IGF1R: variants seen among roughly 807,000 people sequenced by gnomAD.
The protein encoded by IGF1R is insulin like growth factor 1 receptor, also known as insulin-like growth factor 1 receptor.
A neutral mutation model predicts 144.6 loss-of-function variants in IGF1R; 44 were observed. That is an observed-to-expected ratio of 0.30 (90% confidence interval 0.24 to 0.39). The LOEUF (loss-of-function observed/expected upper bound fraction) is 0.39, where lower values mean the gene tolerates loss of function less well. Ranked by LOEUF, IGF1R falls within the 10% of genes least tolerant of loss-of-function variation. The probability of loss-of-function intolerance (pLI) is 1.00; values close to 1 mark genes in which losing one functional copy is unlikely to be tolerated. For synonymous variants in IGF1R, 795 were observed against 722.8 expected, an observed-to-expected ratio of 1.10 and a Z score of -1.60; for missense variants, 1,355 against 1,833.7, an observed-to-expected ratio of 0.74 and a Z score of 4.77.
At position 98,962,447 on chromosome 15, in the gene IGF1R, G is replaced by A. The variant is rs1248658673; in HGVS notation, c.*5005G>A. The A allele has an allele frequency of 4.3e-6, 1 of 233,810 alleles. No individual in the cohort carries two copies. Among genetic ancestry groups the A allele is most frequent in the Non-Finnish European group, 8.5e-6 (1 of 118,092 alleles). 14.5% of individuals were successfully genotyped at this position (233,810 alleles called of 1,614,324 possible). ...GAAAGACACTTTCTTTCTTCACTCT[G>A]AAGTAGCTGGTGGTACAAATGAGAA... On this transcript the variant is annotated 3_prime_UTR_variant, in exon 21 of 21. Coordinates refer to ENST00000650285, the MANE Select transcript of IGF1R (RefSeq NM_000875.5).
intron 20 of IGF1R, among the ~76,000 whole-genome samples, chr15:98,949,879 G>C (rs2151728345): frequency 6.6e-6 from 1 of 152,276 alleles, no homozygotes; most frequent in East Asian, 1.9e-4. Flanking sequence ...CTGGAGCAGG[G>C]AGGCCTTGTT....
rs75137268 is a variant in IGF1R, at chr15:98,862,797, C to T, written c.641-28528C>T. The stretch of plus-strand genomic sequence containing the variant: ...CTTTTGCTTTATCAACTTTTAAAAA[C>T]GTTTATTAACTTTTTAATTTGAAAT... On this transcript the variant is annotated intron_variant, in intron 2 of 20. Coordinates refer to ENST00000650285, the MANE Select transcript of IGF1R (RefSeq NM_000875.5). 9.9e-4 allele frequency among the ~76,000 whole-genome samples: 151 copies of T among 152,272 alleles called. No homozygotes were observed. In the East Asian group the frequency reaches 0.015, roughly 15 times the overall value.
intron 2 of IGF1R, among the ~76,000 whole-genome samples, chr15:98,787,069 C>T (rs775142849): frequency 6.6e-6 from 1 of 152,150 alleles, no homozygotes; most frequent in African/African-American, 2.4e-5. Context: ...AGCGCCCCTT[C>T]GTAATTGGTC....
rs922683720 is a variant in IGF1R, at chr15:98,896,350, C to T, written c.954-407C>T. On this transcript the variant is annotated intron_variant, in intron 3 of 20. Transcript: ENST00000650285. ...CCTGCCTTCTCTCCTAGCGACTCCT[C>T]CAGGTACACAGGCCAGGGTCACAGT... is the stretch of plus-strand genomic sequence containing the variant. Among the ~76,000 whole-genome samples, 3 of 152,276 alleles carry T rather than the reference C, an allele frequency of 2.0e-5. No homozygotes were observed. In the South Asian group the frequency reaches 6.2e-4, roughly 32 times the overall value.
chr15:98,660,517 C>T (rs559890116), intron 1 of IGF1R: 1 of 152,334 alleles, frequency 6.6e-6, no homozygotes, highest in African/African-American at 2.4e-5. Flanking sequence ...AAACGGAAGA[C>T]TTCTTAAAGG....
At chr15:98,692,286 C>T (rs2053495473) in intron 1 of IGF1R, among the ~76,000 whole-genome samples, 1 of 152,092 alleles carries the variant, frequency 6.6e-6, no homozygotes. Context: ...TACAGTGAGC[C>T]GAGATCGTGC....
At chr15:98,651,311 T>C (rs1596140630) in intron 1 of IGF1R, among the ~76,000 whole-genome samples, 1 of 152,186 alleles carries the variant, frequency 6.6e-6, no homozygotes, top group Non-Finnish European at 1.5e-5. Flanking sequence ...TACTGCCGAG[T>C]GGGACGCGGA....
Position 98,963,943 on chromosome 15 carries a change from A to G in IGF1R, c.*6501A>G, listed in dbSNP as rs1014460141. Reference sequence around the variant, plus strand: ...AACACCTGGGGTTTTTGCGCTACATAGGAGAAAGATCTGGAAACTATTTGG... The same window carrying G: ...AACACCTGGGGTTTTTGCGCTACATGGGAGAAAGATCTGGAAACTATTTGG... On this transcript the variant is annotated 3_prime_UTR_variant, in exon 21 of 21. Transcript: ENST00000650285. 1.3e-5 allele frequency: 3 copies of G among 233,228 alleles called. No homozygotes were observed. Among genetic ancestry groups the G allele is most frequent in the African/African-American group, 4.4e-5 (2 of 45,334 alleles). The allele number at this position is 233,228 out of a possible 1,614,324, so 14.4% of individuals were successfully genotyped here.
At chr15:98,927,489 T>C (rs1057062363) in intron 13 of IGF1R, among the ~76,000 whole-genome samples, 3 of 152,254 alleles carry the variant, frequency 2.0e-5, no homozygotes, top group African/African-American at 7.2e-5. Flanking sequence ...ATTTTTGTTA[T>C]TCTCTGGATG....
rs1407782418 is a variant in IGF1R at position 98,648,612 on chromosome 15, A to G, written c.-970A>G. Among the ~76,000 whole-genome samples the G allele has an allele frequency of 2.1e-5, 3 of 142,324 alleles. No homozygotes were observed. Among genetic ancestry groups the G allele is most frequent in the South Asian group, 4.4e-4 (2 of 4,542 alleles). 93.4% of individuals were successfully genotyped at this position (142,324 alleles called of 152,430 possible). Reference sequence around the variant, plus strand: ...TACCAGCATTAACTCCGCTGAGCGGAAAAAAAAAGGGAAAAAACCCGAGGA... The same window carrying G: ...TACCAGCATTAACTCCGCTGAGCGGGAAAAAAAAGGGAAAAAACCCGAGGA... On this transcript the variant is annotated 5_prime_UTR_variant, in exon 1 of 21. Transcript: ENST00000650285.
intron 2 of IGF1R, among the ~76,000 whole-genome samples, chr15:98,871,028 C>G (rs1430302092): frequency 6.6e-6 from 1 of 152,256 alleles, no homozygotes; most frequent in Admixed American, 6.5e-5. Flanking sequence ...TGCCCAGGAG[C>G]TGGCCCAGGG....
Position 98,848,683 on chromosome 15 carries a change from G to T in IGF1R, c.641-42642G>T, listed in dbSNP as rs1277278730. Among the ~76,000 whole-genome samples, 3 of 152,122 alleles carry T rather than the reference G, an allele frequency of 2.0e-5. No homozygotes were observed. In the East Asian group the frequency reaches 5.8e-4, roughly 29 times the overall value. On this transcript the variant is annotated intron_variant, in intron 2 of 20. Coordinates refer to ENST00000650285, the MANE Select transcript of IGF1R (RefSeq NM_000875.5). ...ATGTATTGCTTTGATTCTTGATTAG[G>T]ATCTCAACCTCTATTTATTGTTAAG... is the stretch of plus-strand genomic sequence containing the variant.
chr15:98,761,223 T>C (rs2055287741), intron 2 of IGF1R, among the ~76,000 whole-genome samples: 1 of 152,340 alleles, frequency 6.6e-6, no homozygotes, highest in East Asian at 1.9e-4. Flanking sequence ...ACATCTGTTG[T>C]TGGCTGGCGT....
At chr15:98,711,482 G>C (rs72767961) in intron 2 of IGF1R, among the ~76,000 whole-genome samples, 2,642 of 152,222 alleles carry the variant, frequency 0.017, 36 homozygotes, top group South Asian at 0.046. Context: ...TGATCCCTCT[G>C]TGGGTTCTCT....
chr15:98,948,614 G>A lies in IGF1R; in HGVS notation c.3628G>A (p.Glu1210Lys), dbSNP rs1360565148. ...CCTCTGGGAGATCGCCACACTGGCC[G>A]AGCAGCCCTACCAGGGCTTGTCCAA... ...VVLWEIATLA[E>K]QPYQGLSNEQ... Residue 1210 changes from glutamate to lysine, a missense_variant, in exon 20 of 21, where the codon GAG becomes AAG. Physicochemically the swap from Glu to Lys is moderately conservative, Grantham distance 56 (BLOSUM62 1). This residue lies in a region of IGF1R where 77 missense variants were observed against 163.2 expected (regional missense o/e 0.47). Coordinates refer to ENST00000650285, the MANE Select transcript of IGF1R (RefSeq NM_000875.5). The A allele has an allele frequency of 4.3e-6, 7 of 1,614,088 alleles. No homozygotes were observed. Among genetic ancestry groups the A allele is most frequent in the Non-Finnish European group, 5.1e-6 (6 of 1,180,000 alleles).
intron 20 of IGF1R, among the ~76,000 whole-genome samples, chr15:98,952,303 A>AACAC (rs143223923): frequency 0.18 from 26,610 of 146,572 alleles, 2,455 homozygotes; most frequent in Middle Eastern, 0.28. Flanking sequence ...GTACCCCACC[A>AACAC]ACACACACAC....
chr15:98,673,765 G>T (rs10902606), intron 1 of IGF1R, among the ~76,000 whole-genome samples: 10 of 152,266 alleles, frequency 6.6e-5, no homozygotes, highest in Non-Finnish European at 1.0e-4. Flanking sequence ...TTTTTTAAGC[G>T]TGCTGTTCAT....
chr15:98,776,860 G>A (rs1338979310), intron 2 of IGF1R, among the ~76,000 whole-genome samples: 2 of 152,208 alleles, frequency 1.3e-5, no homozygotes. Flanking sequence ...CGGAGGGGCG[G>A]CTGGATTTGT....
Position 98,840,586 on chromosome 15 carries a change from G to A in IGF1R, c.641-50739G>A, listed in dbSNP as rs564681982. On this transcript the variant is annotated intron_variant, in intron 2 of 20. Transcript: ENST00000650285. ...TGCCTCAGCCTCCCAAGTGGCTGGG[G>A]ACTACAGGTGTATGCCACCACAACT... Among the ~76,000 whole-genome samples, 6 of 152,184 alleles carry A rather than the reference G, an allele frequency of 3.9e-5. No individual in the cohort carries two copies. In the South Asian group the frequency reaches 1.2e-3, roughly 32 times the overall value.
Sources: allele counts gnomAD v4.1 joint callset (sites outside exome capture counted in the v4.1 genomes callset), GRCh38; gene constraint gnomAD v4.1.1; regional missense constraint gnomAD v4.1.1; transcripts MANE v1.5; gene names NCBI Gene and HGNC (gene_info 2026-07-23, HGNC 2026-07-21).